Variants in CSMD1 observed in about 807,000 individuals in gnomAD.
CSMD1 encodes CUB and Sushi multiple domains 1, also known as CUB and sushi domain-containing protein 1.
A neutral mutation model predicts 417.5 loss-of-function variants in CSMD1; 213 were observed. The ratio of observed to expected loss-of-function variants is 0.51; its 90% CI spans 0.46 to 0.57. The LOEUF (loss-of-function observed/expected upper bound fraction) is 0.57. CSMD1 is among the 20% of genes least tolerant of loss of function. The pLI, the probability that CSMD1 is intolerant of heterozygous loss-of-function variation, is 0.00. For synonymous variants in CSMD1, 2,862 were observed against 1,736.8 expected (o/e 1.65, Z -16.11); for missense variants, 6,923 against 4,529.7 (o/e 1.53, Z -15.17).
At chr8:3,983,200 A>C (rs940192337) in intron 5 of CSMD1, among the ~76,000 whole-genome samples, 2 of 146,182 alleles carry the variant, frequency 1.4e-5, no homozygotes, top group Admixed American at 7.0e-5. Flanking sequence ...GCGCGATCTC[A>C]GCTCACTGCA....
At chr8:3,648,962 G>C (rs546937004) in intron 7 of CSMD1, among the ~76,000 whole-genome samples, 32 of 152,100 alleles carry the variant, frequency 2.1e-4, no homozygotes, top group African/African-American at 7.5e-4. Flanking sequence ...AATGTACCCA[G>C]CCCTGTGCAT....
chr8:3,848,087 C>CTCTCTCTCTT (rs35963680), intron 5 of CSMD1, among the ~76,000 whole-genome samples: 2 of 149,422 alleles, frequency 1.3e-5, no homozygotes, highest in Non-Finnish European at 3.0e-5. Flanking sequence ...CTCTCTCTCT[C>CTCTCTCTCTT]TCTAAATATA....
chr8:4,213,338 G>C (rs1700070), intron 3 of CSMD1, among the ~76,000 whole-genome samples: 114,721 of 152,018 alleles, frequency 0.75, 46,001 homozygotes, highest in Non-Finnish European at 0.9. Flanking sequence ...AATTCAGAGA[G>C]TTTCTCAAGG....
At chr8:3,946,528 T>C (rs1307326321) in intron 5 of CSMD1, among the ~76,000 whole-genome samples, 1 of 152,176 alleles carries the variant, frequency 6.6e-6, no homozygotes, top group African/African-American at 2.4e-5. Context: ...CAATTTCATA[T>C]GAATTTTACA....
intron 5 of CSMD1, among the ~76,000 whole-genome samples, chr8:3,785,703 G>C (rs537826729): frequency 1.3e-5 from 2 of 152,148 alleles, no homozygotes; most frequent in East Asian, 3.9e-4. Context: ...GAGGAGCCAC[G>C]TGCTACCAAG....
At chr8:4,935,706 G>A (rs1807568378) in intron 1 of CSMD1, among the ~76,000 whole-genome samples, 1 of 152,176 alleles carries the variant, frequency 6.6e-6, no homozygotes, top group South Asian at 2.1e-4. Context: ...TGTTAGGATT[G>A]AGGAATGGCG....
chr8:3,391,665 C>A (rs1811358050), intron 17 of CSMD1, among the ~76,000 whole-genome samples: 1 of 152,166 alleles, frequency 6.6e-6, no homozygotes, highest in Non-Finnish European at 1.5e-5. Flanking sequence ...AACCTTTGAG[C>A]CACACAATTC....
intron 3 of CSMD1, among the ~76,000 whole-genome samples, chr8:4,414,723 AAAGTT>A (rs928309254): frequency 8.5e-5 from 13 of 152,194 alleles, no homozygotes; most frequent in African/African-American, 2.4e-4. Flanking sequence ...ACTACTAGAA[AAAGTT>A]AAGTTGTGGT....
At chr8:4,584,368 C>A (rs1477789988) in intron 2 of CSMD1, among the ~76,000 whole-genome samples, 1 of 152,024 alleles carries the variant, frequency 6.6e-6, no homozygotes, top group Non-Finnish European at 1.5e-5. Context: ...TAGCATCAGA[C>A]CCCTTTCGCT....
At chr8:4,940,769 A>C (rs1807942655) in intron 1 of CSMD1, among the ~76,000 whole-genome samples, 1 of 152,208 alleles carries the variant, frequency 6.6e-6, no homozygotes, top group Admixed American at 6.5e-5. Context: ...TTCAACATAG[A>C]AAATGAGGGG....
At chr8:3,164,691 C>T (rs1820103779) in intron 37 of CSMD1, among the ~76,000 whole-genome samples, 1 of 152,092 alleles carries the variant, frequency 6.6e-6, no homozygotes, top group South Asian at 2.1e-4. Flanking sequence ...GATACTAAGT[C>T]ATCGTCATTC....
chr8:3,097,632 T>C (rs138214801), intron 46 of CSMD1, among the ~76,000 whole-genome samples: 6 of 152,176 alleles, frequency 3.9e-5, no homozygotes, highest in Non-Finnish European at 7.3e-5. Context: ...GATGACAGAT[T>C]TCATCAGGCT....
At chr8:3,925,687 G>A (rs545475235) in intron 5 of CSMD1, among the ~76,000 whole-genome samples, 2 of 151,760 alleles carry the variant, frequency 1.3e-5, no homozygotes, top group East Asian at 1.9e-4. Flanking sequence ...TTTTTCTCTT[G>A]CCACCACCAC....
chr8:3,266,744 C>T (rs1801459455), intron 26 of CSMD1, among the ~76,000 whole-genome samples: 1 of 149,856 alleles, frequency 6.7e-6, no homozygotes, highest in African/African-American at 2.5e-5. Context: ...CACTGCACTC[C>T]AGCCTGGGCG....
At chr8:4,588,779 GACACACACAC>G (rs10576784) in intron 2 of CSMD1, among the ~76,000 whole-genome samples, 17 of 146,372 alleles carry the variant, frequency 1.2e-4, no homozygotes, top group East Asian at 2.1e-4. Flanking sequence ...GCAAGACTCC[GACACACACAC>G]ACACACACAC....
intron 3 of CSMD1, among the ~76,000 whole-genome samples, chr8:4,186,918 C>T (rs921764573): frequency 3.9e-5 from 6 of 151,920 alleles, no homozygotes; most frequent in South Asian, 4.2e-4. Context: ...ATCACCTGAA[C>T]CCACGAGGCA....
chr8:4,466,939 C>G (rs555456227), intron 2 of CSMD1, among the ~76,000 whole-genome samples: 1 of 151,760 alleles, frequency 6.6e-6, no homozygotes, highest in African/African-American at 2.4e-5. Context: ...ATTAGAATTT[C>G]CTGTGAACAT....
intron 5 of CSMD1, among the ~76,000 whole-genome samples, chr8:3,782,932 G>A (rs1799258954): frequency 6.6e-6 from 1 of 152,100 alleles, no homozygotes; most frequent in African/African-American, 2.4e-5. Flanking sequence ...AAAAATACAT[G>A]GCAAGAGATC....
chr8:2,950,931 C>G (rs929911697), intron 66 of CSMD1, among the ~76,000 whole-genome samples, 183 bp downstream of exon 66: 42 of 152,094 alleles, frequency 2.8e-4, no homozygotes, highest in African/African-American at 1.0e-3. Flanking sequence ...GTTTTGTAAT[C>G]TCTAAAATAA....
Sources: gnomAD v4.1 joint callset for allele counts (sites outside exome capture counted in the v4.1 genomes callset) on GRCh38, gnomAD v4.1.1 for gene constraint, MANE v1.5 for transcripts, NCBI Gene and HGNC (gene_info 2026-07-23, HGNC 2026-07-21) for gene names.